Variants in LRP1B observed in about 807,000 individuals in gnomAD.
LRP1B encodes the protein LDL receptor related protein 1B.
A neutral mutation model predicts 556.6 loss-of-function variants in LRP1B; 217 were observed. The observed-to-expected ratio is 0.39, with a 90% confidence interval of 0.35 to 0.44. The LOEUF is 0.44. Ranked by LOEUF, LRP1B falls within the 20% of genes least tolerant of loss-of-function variation. The pLI is 1.00. For synonymous variants in LRP1B, 2,047 were observed against 1,865.8 expected (o/e 1.10, Z -2.50); for missense variants, 5,053 against 5,620.8 (o/e 0.90, Z 3.23).
At chr2:140,769,548 A>G (rs1483344510) in intron 34 of LRP1B, among the ~76,000 whole-genome samples, 1 of 151,988 alleles carries the variant, frequency 6.6e-6, no homozygotes, top group Non-Finnish European at 1.5e-5. Context: ...TTGATTATGC[A>G]TATGATTTGT....
chr2:140,546,184 C>T (rs190856936), intron 43 of LRP1B, among the ~76,000 whole-genome samples: 129 of 152,132 alleles, frequency 8.5e-4, no homozygotes, highest in African/African-American at 2.9e-3. Flanking sequence ...AGCTTTTGGG[C>T]TGAGACTATG....
At chr2:142,068,661 T>C (rs1187470711) in intron 1 of LRP1B, among the ~76,000 whole-genome samples, 2 of 151,498 alleles carry the variant, frequency 1.3e-5, no homozygotes, top group East Asian at 3.9e-4. Flanking sequence ...TTATTTGCAA[T>C]ATCCTGAAGG....
At chr2:141,545,280 T>C (rs1350746851) in intron 2 of LRP1B, among the ~76,000 whole-genome samples, 1 of 152,208 alleles carries the variant, frequency 6.6e-6, no homozygotes, top group Non-Finnish European at 1.5e-5. Context: ...GTCTCATGAC[T>C]AGGGCCTCTA....
At chr2:141,096,067 T>G (rs138849253) in intron 7 of LRP1B, among the ~76,000 whole-genome samples, 8 of 152,314 alleles carry the variant, frequency 5.3e-5, no homozygotes, top group African/African-American at 1.9e-4. Flanking sequence ...ACTGATCATT[T>G]TCTGTGCTAT....
chr2:141,809,010 T>C (rs767060830), intron 2 of LRP1B, among the ~76,000 whole-genome samples: 3 of 152,150 alleles, frequency 2.0e-5, no homozygotes, highest in Non-Finnish European at 4.4e-5. Flanking sequence ...GAACCTTTTA[T>C]CTTTAACTTA....
intron 70 of LRP1B, 126 bp downstream of exon 70, chr2:140,371,053 A>G (rs1486952772): frequency 2.5e-6 from 2 of 790,602 alleles, no homozygotes; most frequent in Non-Finnish European, 4.0e-6. Flanking sequence ...GATTGCATTC[A>G]ATGTACATAT....
At chr2:142,022,077 T>G (rs1242787754) in intron 1 of LRP1B, among the ~76,000 whole-genome samples, 1 of 152,130 alleles carries the variant, frequency 6.6e-6, no homozygotes, top group African/African-American at 2.4e-5. Flanking sequence ...AAAGTATGAC[T>G]TGTGAATGTC....
intron 43 of LRP1B, among the ~76,000 whole-genome samples, chr2:140,569,308 C>T (rs954721223): frequency 4.0e-5 from 6 of 151,880 alleles, no homozygotes; most frequent in African/African-American, 1.4e-4. Flanking sequence ...CAGTATGCTA[C>T]TTAAAAAGGA....
intron 2 of LRP1B, among the ~76,000 whole-genome samples, chr2:141,773,165 A>T (rs1694956234): frequency 6.6e-6 from 1 of 152,190 alleles, no homozygotes; most frequent in African/African-American, 2.4e-5. Flanking sequence ...TATGTGTTTA[A>T]CTGTCCTTCA....
In LRP1B at chr2:141,998,617, C is replaced by A. The variant is rs932828098; in HGVS notation, c.82+132031G>T. Among the ~76,000 whole-genome samples, 3 of 152,060 alleles carry A rather than the reference C, an allele frequency of 2.0e-5. No individual in the cohort carries two copies. The South Asian group carries it at 6.2e-4, about 32-fold the overall frequency. ...TGTCTATGACATAGCCTCAGGAGGT[C>A]CTGACAACATGTGTCCATAGTGGTC... On this transcript the variant is annotated intron_variant, in intron 1 of 90. Coordinates refer to ENST00000389484, the MANE Select transcript of LRP1B (RefSeq NM_018557.3).
intron 83 of LRP1B, among the ~76,000 whole-genome samples, chr2:140,309,558 C>A (rs1399573165): frequency 6.6e-6 from 1 of 151,770 alleles, no homozygotes; most frequent in African/African-American, 2.4e-5. Context: ...TACCTTTATT[C>A]TCTCACAGGT....
intron 2 of LRP1B, among the ~76,000 whole-genome samples, chr2:141,494,692 A>G (rs1458603942): frequency 6.6e-6 from 1 of 150,870 alleles, no homozygotes; most frequent in African/African-American, 2.4e-5. Context: ...CTCTTTCCTC[A>G]TAGACCTCAT....
chr2:140,748,753 T>C (rs66467750), intron 35 of LRP1B, among the ~76,000 whole-genome samples: 18,968 of 94,530 alleles, frequency 0.2, 2,859 homozygotes, highest in South Asian at 0.26. Context: ...TAATATGATA[T>C]ATATTATATA....
chr2:140,675,014 T>G (rs1296748751), intron 41 of LRP1B, among the ~76,000 whole-genome samples: 1 of 152,242 alleles, frequency 6.6e-6, no homozygotes, highest in Non-Finnish European at 1.5e-5. Flanking sequence ...TCTTACAGCT[T>G]CTAGAGGCTG....
At chr2:140,454,411 A>G (rs1397166816) in intron 62 of LRP1B, among the ~76,000 whole-genome samples, 1 of 152,164 alleles carries the variant, frequency 6.6e-6, no homozygotes, top group Non-Finnish European at 1.5e-5. Context: ...TCGTTCTCCC[A>G]AAGTGCTGGG....
intron 66 of LRP1B, among the ~76,000 whole-genome samples, chr2:140,390,524 G>T (rs1683968475): frequency 6.6e-6 from 1 of 151,702 alleles, no homozygotes; most frequent in African/African-American, 2.4e-5. Context: ...GAAAAGACAA[G>T]GGTTACTTGG....
chr2:140,799,371 G>T (rs932191979), intron 32 of LRP1B, among the ~76,000 whole-genome samples: 1 of 152,038 alleles, frequency 6.6e-6, no homozygotes, highest in Non-Finnish European at 1.5e-5. Context: ...CGTCAAGAAG[G>T]CTATAAAGCA....
At chr2:141,742,631 AT>A (rs917311338) in intron 2 of LRP1B, among the ~76,000 whole-genome samples, 2 of 151,210 alleles carry the variant, frequency 1.3e-5, no homozygotes, top group South Asian at 2.1e-4. Context: ...ACATTTTAGG[AT>A]TTTTTTTTGA....
intron 1 of LRP1B, among the ~76,000 whole-genome samples, chr2:142,115,669 ATGTAATATATATATAAT>A (rs1234879097): frequency 0.026 from 258 of 9,950 alleles, 99 homozygotes; most frequent in African/African-American, 0.031. Context: ...TAATATATAT[ATGTAATATATATATAAT>A]ATATATGTAA....
Sources: allele counts gnomAD v4.1 joint callset (sites outside exome capture counted in the v4.1 genomes callset), GRCh38; gene constraint gnomAD v4.1.1; transcripts MANE v1.5; gene names NCBI Gene and HGNC (gene_info 2026-07-23, HGNC 2026-07-21).